The following CDH20 variants were observed in gnomAD, a reference collection of about 807,000 sequenced individuals.
CDH20 encodes the protein cadherin 20.
In CDH20, 29 loss-of-function variants were observed where a neutral mutation model predicts 74.2. That is an observed-to-expected ratio of 0.39 (90% CI 0.29 to 0.53). The LOEUF is 0.53. Ranked by LOEUF, CDH20 falls within the 20% of genes least tolerant of loss-of-function variation. The pLI is 0.69. For missense variants in CDH20, 988 were observed against 1,048.3 expected (o/e 0.94, Z 0.79); for synonymous variants, 469 against 405.4 (o/e 1.16, Z -1.88).
chr18:61,343,237 G>A (rs1374837925), intron 1 of CDH20, among the ~76,000 whole-genome samples: 10 of 152,158 alleles, frequency 6.6e-5, no homozygotes. Context: ...GCTTCTAGCT[G>A]GATTTGCAAT....
intron 1 of CDH20, among the ~76,000 whole-genome samples, chr18:61,469,640 G>C (rs1910094159): frequency 6.6e-6 from 1 of 152,132 alleles, no homozygotes; most frequent in African/African-American, 2.4e-5. Context: ...TTCTAGCAGG[G>C]AGCTTGTGGC....
At position 61,539,095 on chromosome 18, in the gene CDH20, T is replaced by A. The variant is rs868355206; in HGVS notation, c.1480T>A (p.Phe494Ile). Residue 494 changes from phenylalanine to isoleucine, a missense_variant, in exon 9 of 12, where the codon TTC (phenylalanine) becomes ATC (isoleucine). This residue lies in a region of CDH20 where 613 missense variants were observed against 755.2 expected (regional missense o/e 0.81). Transcript: ENST00000262717. ...AGATGTGAATGACAATGCTCCAGAGTTCCCCAGATTCTATGAAGCTTTTGT... is the reference window on the plus strand; with the variant it reads ...AGATGTGAATGACAATGCTCCAGAGATCCCCAGATTCTATGAAGCTTTTGT... ...VLDVNDNAPE[F>I]PRFYEAFVCE... 1.2e-6 allele frequency: 2 copies of A among 1,613,922 alleles called. No homozygotes were observed. Among genetic ancestry groups the A allele is most frequent in the Non-Finnish European group, 1.7e-6 (2 of 1,179,908 alleles).
chr18:61,371,361 T>G (rs1292304430), intron 1 of CDH20, among the ~76,000 whole-genome samples: 1 of 152,074 alleles, frequency 6.6e-6, no homozygotes, highest in Non-Finnish European at 1.5e-5. Flanking sequence ...TGTCTTGAAT[T>G]GTCCCTTGTT....
chr18:61,334,036 G>C (rs1490683208), intron 1 of CDH20, among the ~76,000 whole-genome samples: 2 of 152,182 alleles, frequency 1.3e-5, no homozygotes, highest in Non-Finnish European at 2.9e-5. Flanking sequence ...GTTGGAAATG[G>C]GCTGCCGGGA....
At chr18:61,388,051 A>G (rs1387029713) in intron 1 of CDH20, among the ~76,000 whole-genome samples, 2 of 152,204 alleles carry the variant, frequency 1.3e-5, no homozygotes, top group Non-Finnish European at 2.9e-5. Flanking sequence ...ATAGCTAGCT[A>G]TACGGTAGTG....
At chr18:61,528,360 T>C (rs977548338) in intron 7 of CDH20, 140 bp downstream of exon 7, 195 of 332,136 alleles carry the variant, frequency 5.9e-4, no homozygotes, top group African/African-American at 4.1e-3. Flanking sequence ...TTTTGTGTTG[T>C]TTTTTTTTTT....
At chr18:61,522,514 C>T (rs1282448168) in intron 6 of CDH20, among the ~76,000 whole-genome samples, 2 of 152,168 alleles carry the variant, frequency 1.3e-5, no homozygotes, top group Non-Finnish European at 2.9e-5. Flanking sequence ...AGATTCAATG[C>T]TATCCTCATT....
intron 1 of CDH20, among the ~76,000 whole-genome samples, chr18:61,334,701 C>G (rs1201827424): frequency 6.6e-6 from 1 of 152,044 alleles, no homozygotes; most frequent in Admixed American, 6.5e-5. Context: ...GAAGGCAGCC[C>G]GGAGGCAGCG....
At chr18:61,538,432 G>T (rs1912882620) in intron 8 of CDH20, among the ~76,000 whole-genome samples, 2 of 151,672 alleles carry the variant, frequency 1.3e-5, no homozygotes, top group South Asian at 4.2e-4. Flanking sequence ...GATAGCAAAG[G>T]TTCACCAACA....
chr18:61,469,989 A>G (rs549591822), intron 1 of CDH20, among the ~76,000 whole-genome samples: 14 of 152,324 alleles, frequency 9.2e-5, no homozygotes, highest in African/African-American at 3.1e-4. Context: ...TTCTTACCAA[A>G]GACCATTTTT....
At chr18:61,489,745 CT>C (rs1910889449) in intron 1 of CDH20, among the ~76,000 whole-genome samples, 1 of 152,044 alleles carries the variant, frequency 6.6e-6, no homozygotes, top group Admixed American at 6.6e-5. Flanking sequence ...CATTTAAATC[CT>C]GGAAAGGTCA....
chr18:61,417,150 G>A (rs1446682252), intron 1 of CDH20, among the ~76,000 whole-genome samples: 1 of 152,100 alleles, frequency 6.6e-6, no homozygotes, highest in East Asian at 1.9e-4. Context: ...CAGTGGTATG[G>A]AGCTTGCATT....
At chr18:61,338,178 T>C (rs941350256) in intron 1 of CDH20, among the ~76,000 whole-genome samples, 4 of 152,184 alleles carry the variant, frequency 2.6e-5, no homozygotes, top group Non-Finnish European at 4.4e-5. Context: ...TACAAAATTA[T>C]GAAACTAGCT....
At chr18:61,382,798 T>C (rs1437099874) in intron 1 of CDH20, among the ~76,000 whole-genome samples, 1 of 152,162 alleles carries the variant, frequency 6.6e-6, no homozygotes, top group Non-Finnish European at 1.5e-5. Context: ...TAAGGAGACA[T>C]GTTAACATAC....
chr18:61,478,456 G>C (rs1273529452), intron 1 of CDH20, among the ~76,000 whole-genome samples: 1 of 151,786 alleles, frequency 6.6e-6, no homozygotes, highest in East Asian at 1.9e-4. Flanking sequence ...TTCTACCTTT[G>C]ATAAAGGTAG....
intron 1 of CDH20, among the ~76,000 whole-genome samples, chr18:61,425,625 G>A (rs1008280119): frequency 1.2e-4 from 18 of 152,166 alleles, no homozygotes; most frequent in African/African-American, 3.9e-4. Context: ...AATATTGTAT[G>A]TTCTCACTTA....
chr18:61,511,763 G>GCCTC (rs1911791525), intron 6 of CDH20, among the ~76,000 whole-genome samples: 1 of 152,120 alleles, frequency 6.6e-6, no homozygotes, highest in Admixed American at 6.6e-5. Flanking sequence ...AAAAGATGAA[G>GCCTC]CCTCTTAAGA....
At chr18:61,473,193 ATC>A (rs1248441066) in intron 1 of CDH20, among the ~76,000 whole-genome samples, 2 of 152,184 alleles carry the variant, frequency 1.3e-5, no homozygotes, top group Non-Finnish European at 2.9e-5. Context: ...ATAGATTTTT[ATC>A]TCTCTCTTTA....
At chr18:61,491,967 T>A (rs1169490967) in intron 2 of CDH20, among the ~76,000 whole-genome samples, 1 of 152,066 alleles carries the variant, frequency 6.6e-6, no homozygotes, top group Non-Finnish European at 1.5e-5. Context: ...TAGCCTCTTC[T>A]CCACACACTC....
Sources: allele counts gnomAD v4.1 joint callset (sites outside exome capture counted in the v4.1 genomes callset), GRCh38; gene constraint gnomAD v4.1.1; regional missense constraint gnomAD v4.1.1; transcripts MANE v1.5; gene names NCBI Gene and HGNC (gene_info 2026-07-23, HGNC 2026-07-21).